Variants in PTPRD observed in about 807,000 individuals in gnomAD.
PTPRD encodes the protein receptor-type tyrosine-protein phosphatase delta.
In PTPRD, 34 loss-of-function variants were observed where a neutral mutation model predicts 214.5. The ratio of observed to expected loss-of-function variants is 0.16; its 90% CI spans 0.12 to 0.21. PTPRD has a LOEUF of 0.21. Among genes scored for constraint, PTPRD ranks in the 10% least tolerant of loss-of-function variants. The pLI is 1.00. For synonymous variants in PTPRD, 1,128 were observed against 845.7 expected, an observed-to-expected ratio of 1.33 and a Z score of -5.79; for missense variants, 2,545 against 2,398.7, an observed-to-expected ratio of 1.06 and a Z score of -1.27.
chr9:9,310,572 T>G (rs1209116176), intron 9 of PTPRD, among the ~76,000 whole-genome samples: 1 of 152,168 alleles, frequency 6.6e-6, no homozygotes, highest in Non-Finnish European at 1.5e-5. Context: ...TGAAATGTAT[T>G]TAATGAGCCG....
intron 5 of PTPRD, among the ~76,000 whole-genome samples, chr9:9,910,635 G>A (rs1381828426): frequency 6.6e-6 from 1 of 151,838 alleles, no homozygotes; most frequent in Non-Finnish European, 1.5e-5. Flanking sequence ...GTGGAATTAG[G>A]CATTGTTTTT....
intron 3 of PTPRD, among the ~76,000 whole-genome samples, chr9:10,201,580 ATG>A (rs138505135): frequency 6.6e-6 from 1 of 151,640 alleles, no homozygotes; most frequent in African/African-American, 2.4e-5. Flanking sequence ...GTGCATATAT[ATG>A]TGTGTGTGTG....
At chr9:8,440,463 C>G (rs118001945) in intron 34 of PTPRD, among the ~76,000 whole-genome samples, 3 of 151,974 alleles carry the variant, frequency 2.0e-5, no homozygotes, top group Admixed American at 2.0e-4. Flanking sequence ...TACAGGGACG[C>G]GCCACCACAC....
intron 9 of PTPRD, among the ~76,000 whole-genome samples, chr9:9,293,997 A>G (rs1952122792): frequency 6.6e-6 from 1 of 151,586 alleles, no homozygotes; most frequent in Admixed American, 6.6e-5. Context: ...GGTCATTATT[A>G]AGTAAAATAA....
chr9:8,477,410 C>T (rs1458088185), intron 30 of PTPRD, among the ~76,000 whole-genome samples: 1 of 152,118 alleles, frequency 6.6e-6, no homozygotes, highest in Non-Finnish European at 1.5e-5. Context: ...TAAAGTTTTA[C>T]TGATTTCATT....
At chr9:8,553,824 A>G (rs1284654694) in intron 14 of PTPRD, among the ~76,000 whole-genome samples, 1 of 152,178 alleles carries the variant, frequency 6.6e-6, no homozygotes, top group Non-Finnish European at 1.5e-5. Flanking sequence ...TCCTAACTTA[A>G]GGAGATGGAG....
In PTPRD at chr9:9,069,251, C is replaced by T. The variant is rs374242027; in HGVS notation, c.-142-50516G>A. Among the ~76,000 whole-genome samples, 219 of 151,890 alleles carry T rather than the reference C, an allele frequency of 1.4e-3. 1 individual carries two copies. The highest frequency in any genetic ancestry group is 5.1e-3 in the African/African-American group (212 of 41,440). ...AGCCCCAAATTAATTTTTCCAAAAT[C>T]GAAAAAGTATCTTTATTTATAAGTC... On this transcript the variant is annotated intron_variant, in intron 10 of 45. Transcript: ENST00000381196.
chr9:10,228,601 A>G (rs1347471772), intron 3 of PTPRD, among the ~76,000 whole-genome samples: 1 of 151,796 alleles, frequency 6.6e-6, no homozygotes, highest in Non-Finnish European at 1.5e-5. Context: ...CCTATTCCTC[A>G]TGATTCTTGT....
At chr9:9,530,491 A>G (rs2075217622) in intron 8 of PTPRD, among the ~76,000 whole-genome samples, 1 of 152,184 alleles carries the variant, frequency 6.6e-6, no homozygotes, top group South Asian at 2.1e-4. Context: ...TTGAATCAGT[A>G]ATAAGAAGTC....
chr9:9,332,249 A>G (rs2042598378), intron 9 of PTPRD, among the ~76,000 whole-genome samples: 1 of 152,062 alleles, frequency 6.6e-6, no homozygotes, highest in Admixed American at 6.6e-5. Flanking sequence ...GGAGAGAGAG[A>G]GAGTCAGAAA....
At chr9:9,058,239 C>G (rs1185057795) in intron 10 of PTPRD, among the ~76,000 whole-genome samples, 1 of 151,998 alleles carries the variant, frequency 6.6e-6, no homozygotes, top group Non-Finnish European at 1.5e-5. Context: ...TTTCACCTAT[C>G]AACCGAGAGA....
chr9:8,976,075 G>C (rs544526205), intron 11 of PTPRD, among the ~76,000 whole-genome samples: 1 of 151,970 alleles, frequency 6.6e-6, no homozygotes, highest in African/African-American at 2.4e-5. Flanking sequence ...ATACAACTAA[G>C]TATTTTTCTG....
In PTPRD at chr9:10,301,541, C is replaced by T. The variant is rs142077067; in HGVS notation, c.-545+39422G>A. Among the ~76,000 whole-genome samples, 418 of 152,216 alleles carry T rather than the reference C, an allele frequency of 2.7e-3. 3 individuals are homozygous for T. The highest frequency in any genetic ancestry group is 9.6e-3 in the African/African-American group (399 of 41,538). ...CTTTGACAAAAGGTTAGACAAATTG[C>T]TAACTAGAATAACCAGTATAGAGAA... On this transcript the variant is annotated intron_variant, in intron 3 of 45. Transcript: ENST00000381196.
chr9:10,267,259 C>G (rs1245576216), intron 3 of PTPRD, among the ~76,000 whole-genome samples: 3 of 150,214 alleles, frequency 2.0e-5, no homozygotes, highest in Non-Finnish European at 3.0e-5. Context: ...TACACCAACA[C>G]TTTTGGAAGT....
At chr9:8,463,128 G>A (rs972826875) in intron 32 of PTPRD, among the ~76,000 whole-genome samples, 3 of 151,608 alleles carry the variant, frequency 2.0e-5, no homozygotes, top group Non-Finnish European at 2.9e-5. Flanking sequence ...CTGAATTTAA[G>A]TACAATGAGC....
chr9:8,652,151 C>A (rs1221011247), intron 12 of PTPRD, among the ~76,000 whole-genome samples: 1 of 152,148 alleles, frequency 6.6e-6, no homozygotes, highest in East Asian at 1.9e-4. Flanking sequence ...GATTTTCCCA[C>A]ACAGAAATAA....
chr9:10,085,721 AG>A (rs1362198980), intron 3 of PTPRD, among the ~76,000 whole-genome samples: 4 of 151,846 alleles, frequency 2.6e-5, no homozygotes, highest in Non-Finnish European at 4.4e-5. Flanking sequence ...ACAAAGGCAA[AG>A]ATGGCTATTT....
At chr9:10,184,562 G>T (rs914876926) in intron 3 of PTPRD, among the ~76,000 whole-genome samples, 4 of 152,134 alleles carry the variant, frequency 2.6e-5, no homozygotes, top group African/African-American at 7.2e-5. Context: ...TATGTGTTTG[G>T]TAAACGTTTG....
At chr9:10,237,108 T>A (rs1595004900) in intron 3 of PTPRD, among the ~76,000 whole-genome samples, 2 of 151,868 alleles carry the variant, frequency 1.3e-5, no homozygotes, top group African/African-American at 4.8e-5. Context: ...GATGTATTGA[T>A]GCATCAGCTA....
Sources: allele counts gnomAD v4.1 joint callset (sites outside exome capture counted in the v4.1 genomes callset), GRCh38; gene constraint gnomAD v4.1.1; transcripts MANE v1.5; gene names NCBI Gene and HGNC (gene_info 2026-07-23, HGNC 2026-07-21).